Variants in GNG7 observed in about 807,000 individuals in gnomAD.
The protein encoded by GNG7 is G protein subunit gamma 7.
GNG7 carries 1 observed loss-of-function variant against 4.0 expected under a neutral mutation model. The observed-to-expected ratio is 0.25, with a 90% confidence interval of 0.09 to 1.18. The LOEUF (loss-of-function observed/expected upper bound fraction) is 1.18, where lower values mean the gene tolerates loss of function less well. Among genes scored for constraint, GNG7 ranks in the 50% most tolerant of loss-of-function variants. The probability of loss-of-function intolerance (pLI) is 0.50; values close to 1 mark genes in which losing one functional copy is unlikely to be tolerated. For synonymous variants in GNG7, 34 were observed against 36.9 expected (o/e 0.92, Z 0.29); for missense variants, 86 against 91.9 (o/e 0.94, Z 0.26).
rs148761965 is a variant in GNG7, at chr19:2,628,441, C to T, written c.-78+17783G>A. ...CCACATGGACCCTCCACAGGCAGCTCACGACATAGCTGTTTGCTTTCTTTA... is the reference window on the plus strand; with the variant it reads ...CCACATGGACCCTCCACAGGCAGCTTACGACATAGCTGTTTGCTTTCTTTA... On this transcript the variant is annotated intron_variant, in intron 2 of 4. Transcript: ENST00000382159. Among the ~76,000 whole-genome samples, 360 of 152,256 alleles carry T rather than the reference C, an allele frequency of 2.4e-3. 5 individuals carry two copies. The highest frequency in any genetic ancestry group is 8.1e-3 in the African/African-American group (336 of 41,556).
Position 2,587,168 on chromosome 19 carries a change from G to A in GNG7, c.-77-31980C>T, listed in dbSNP as rs72976807. 4.7e-3 allele frequency among the ~76,000 whole-genome samples: 716 copies of A among 152,094 alleles called. 3 individuals are homozygous for A. Among genetic ancestry groups the A allele is most frequent in the Non-Finnish European group, 6.8e-3 (461 of 67,966 alleles). Reference sequence around the variant, plus strand: ...ACCCCTGGGTTGGAGGTTTCACCACGGAGAGTTGCGGCGGCAAGAAGACAC... The same window carrying A: ...ACCCCTGGGTTGGAGGTTTCACCACAGAGAGTTGCGGCGGCAAGAAGACAC... On this transcript the variant is annotated intron_variant, in intron 2 of 4. Transcript: ENST00000382159.
At chr19:2,636,829 G>A (rs1897348432) in intron 2 of GNG7, among the ~76,000 whole-genome samples, 4 of 152,038 alleles carry the variant, frequency 2.6e-5, no homozygotes, top group African/African-American at 7.3e-5. Context: ...AGAGGGGCTC[G>A]GGGGTGACTG....
chr19:2,690,239 G>A (rs761836990), intron 1 of GNG7, among the ~76,000 whole-genome samples: 3 of 152,058 alleles, frequency 2.0e-5, no homozygotes, highest in East Asian at 1.9e-4. Context: ...AAAATTAGCC[G>A]AGTGTGGTGT....
rs886607712 is a variant in GNG7 at position 2,511,825 on chromosome 19, G to C, written c.*3197C>G. ...GCCAGAGGTCGCAGCTGAGCTATCT[G>C]TGCTTGGCCTGGGGTTACCCCTGGG... is the stretch of plus-strand genomic sequence containing the variant. On this transcript the variant is annotated 3_prime_UTR_variant, in exon 5 of 5. Coordinates refer to ENST00000382159, the MANE Select transcript of GNG7 (RefSeq NM_052847.3). This position sits in a 1 kb window ranked among gnomAD's most constrained non-coding sequence, Gnocchi z 6.3. 1 of 986,132 alleles carries C rather than the reference G, an allele frequency of 1.0e-6. No homozygotes were observed. Among genetic ancestry groups the C allele is most frequent in the Non-Finnish European group, 1.2e-6 (1 of 830,246 alleles). 61.1% of individuals were successfully genotyped at this position (986,132 alleles called of 1,614,324 possible).
chr19:2,681,005 C>T (rs1234539168), intron 1 of GNG7, among the ~76,000 whole-genome samples: 2 of 152,046 alleles, frequency 1.3e-5, no homozygotes, highest in African/African-American at 4.8e-5. Context: ...AGTGGTATCT[C>T]ACCATGGCTC....
chr19:2,622,026 CGGA>C (rs984741352), intron 2 of GNG7, among the ~76,000 whole-genome samples: 51 of 152,070 alleles, frequency 3.4e-4, no homozygotes, highest in African/African-American at 1.2e-3. Context: ...CTGATCACCA[CGGA>C]GGAGTGAGTT....
intron 3 of GNG7, among the ~76,000 whole-genome samples, chr19:2,543,878 A>G (rs1329878673): frequency 6.6e-6 from 1 of 152,196 alleles, no homozygotes; most frequent in East Asian, 1.9e-4. Context: ...TGCAGCAGCA[A>G]CGTGAGAACA....
chr19:2,637,845 A>AC (rs953990500), intron 2 of GNG7, among the ~76,000 whole-genome samples: 4 of 151,606 alleles, frequency 2.6e-5, no homozygotes, highest in Non-Finnish European at 5.9e-5. Context: ...CCTGGTTGAG[A>AC]CCCCCCGGGT....
At chr19:2,672,945 C>T (rs1216401243) in intron 1 of GNG7, among the ~76,000 whole-genome samples, 1 of 152,050 alleles carries the variant, frequency 6.6e-6, no homozygotes, top group Non-Finnish European at 1.5e-5. Context: ...TACAAAACTC[C>T]TGACGAGTCC....
chr19:2,555,908 A>AG (rs35769339), intron 2 of GNG7, among the ~76,000 whole-genome samples: 13 of 151,676 alleles, frequency 8.6e-5, no homozygotes, highest in Middle Eastern at 3.4e-3. Context: ...ACGGATCGCG[A>AG]GGGGGGGCCC....
chr19:2,636,556 GA>G (rs1485930204), intron 2 of GNG7, among the ~76,000 whole-genome samples: 5 of 152,126 alleles, frequency 3.3e-5, no homozygotes, highest in Non-Finnish European at 7.4e-5. Context: ...CTCTGCTCTG[GA>G]GACACCTCTG....
At chr19:2,697,876 G>T (rs1426848525) in intron 1 of GNG7, among the ~76,000 whole-genome samples, 1 of 152,150 alleles carries the variant, frequency 6.6e-6, no homozygotes, top group East Asian at 1.9e-4. Context: ...GGAGGCTGGG[G>T]CAGGAGAATC....
At chr19:2,568,158 C>CACAT (rs200281281) in intron 2 of GNG7, among the ~76,000 whole-genome samples, 2 of 151,042 alleles carry the variant, frequency 1.3e-5, no homozygotes, top group African/African-American at 2.4e-5. Flanking sequence ...CACACACATA[C>CACAT]ACATACATAC....
At chr19:2,520,514 G>C in intron 4 of GNG7, 94 bp downstream of exon 4, 1 of 690,152 alleles carries the variant, frequency 1.4e-6, no homozygotes, top group Non-Finnish European at 2.6e-6. Context: ...CAGTTGGGGT[G>C]CAAGCCTCTG....
Position 2,609,364 on chromosome 19 carries a change from G to A in GNG7, c.-78+36860C>T, listed in dbSNP as rs1003459271. On this transcript the variant is annotated intron_variant, in intron 2 of 4. Coordinates refer to ENST00000382159, the MANE Select transcript of GNG7 (RefSeq NM_052847.3). The surrounding 1 kb of genome is among the most constrained non-coding windows in gnomAD (Gnocchi z 4.4). ...ACTAAAGTGTTATTTCATCTTGGTC[G>A]CTGAGGTTTTTTAGCGCCCCCTTCA... 1.3e-5 allele frequency among the ~76,000 whole-genome samples: 2 copies of A among 152,068 alleles called. No homozygotes were observed. The highest frequency in any genetic ancestry group is 1.5e-5 in the Non-Finnish European group (1 of 68,022).
intron 1 of GNG7, among the ~76,000 whole-genome samples, chr19:2,695,751 T>C (rs1913230450): frequency 6.6e-6 from 1 of 152,056 alleles, no homozygotes; most frequent in Non-Finnish European, 1.5e-5. Context: ...GGAAGCTTAC[T>C]AGGAAGGTCC....
chr19:2,519,146 CTTTTTTTTTTT>C (rs71178282), intron 4 of GNG7, among the ~76,000 whole-genome samples: 2 of 84,540 alleles, frequency 2.4e-5, no homozygotes, highest in Non-Finnish European at 4.4e-5. Context: ...TTTCTTGTTT[CTTTTTTTTTTT>C]TTTTTTTTTT....
intron 1 of GNG7, among the ~76,000 whole-genome samples, chr19:2,667,227 C>T (rs1983333635): frequency 6.6e-6 from 1 of 152,104 alleles, no homozygotes; most frequent in Non-Finnish European, 1.5e-5. Flanking sequence ...GAGGCTGAGG[C>T]GGCAGAATCG....
chr19:2,536,955 T>A (rs1978759509), intron 3 of GNG7, among the ~76,000 whole-genome samples: 1 of 150,688 alleles, frequency 6.6e-6, no homozygotes, highest in Non-Finnish European at 1.5e-5. Flanking sequence ...TATTTTTATT[T>A]TTTTTTTTTG....
Sources: allele counts gnomAD v4.1 joint callset (sites outside exome capture counted in the v4.1 genomes callset), GRCh38; gene constraint gnomAD v4.1.1; non-coding constraint Gnocchi (gnomAD v3.1); transcripts MANE v1.5; gene names NCBI Gene and HGNC (gene_info 2026-07-23, HGNC 2026-07-21).